Variants in SOD2 observed in about 807,000 individuals in gnomAD.
SOD2 encodes superoxide dismutase 2.
SOD2 carries 11 observed loss-of-function variants against 27.0 expected under a neutral mutation model. That is an observed-to-expected ratio of 0.41 (90% CI 0.26 to 0.67). The LOEUF (loss-of-function observed/expected upper bound fraction) is 0.67, where lower values mean the gene tolerates loss of function less well. Ranked by LOEUF, SOD2 falls within the 30% of genes least tolerant of loss-of-function variation. The pLI, the probability that SOD2 is intolerant of heterozygous loss-of-function variation, is 0.34. For missense variants in SOD2, 250 were observed against 274.5 expected, an observed-to-expected ratio of 0.91 and a Z score of 0.63; for synonymous variants, 105 against 103.0, an observed-to-expected ratio of 1.02 and a Z score of -0.12.
upstream of SOD2, chr6:159,727,403 G>A (rs1361523627): frequency 8.2e-7 from 1 of 1,224,326 alleles, no homozygotes; most frequent in East Asian, 6.4e-5. Context: ...GGAGGCGGGA[G>A]GCAGTGGCGC....
At chr6:159,762,016 C>T (rs1041064510) in exon 1 of SOD2, 2 of 1,570,610 alleles carry the variant, frequency 1.3e-6, no homozygotes. Context: ...CCGCGGCAGG[C>T]CTGTGGGCTG....
At chr6:159,756,041 T>C (rs1181111614) in intron 1 of SOD2, 1 of 157,464 alleles carries the variant, frequency 6.4e-6, no homozygotes, top group Non-Finnish European at 1.4e-5. Context: ...AGAGTAGATG[T>C]GGGTTTATGA....
intron 1 of SOD2, among the ~76,000 whole-genome samples, chr6:159,719,870 G>C (rs1177025403): frequency 6.7e-6 from 1 of 150,364 alleles, no homozygotes; most frequent in South Asian, 2.1e-4. Context: ...TTACAAATGT[G>C]TGCCACCATA....
intron 1 of SOD2, among the ~76,000 whole-genome samples, chr6:159,709,821 T>C (rs927448921): frequency 6.6e-6 from 1 of 152,070 alleles, no homozygotes; most frequent in African/African-American, 2.4e-5. Flanking sequence ...TTCACACGTA[T>C]GTTTATTGCG....
At chr6:159,702,696 GA>G (rs1323526632) in intron 1 of SOD2, among the ~76,000 whole-genome samples, 4 of 109,852 alleles carry the variant, frequency 3.6e-5, no homozygotes, top group Admixed American at 1.8e-4. Flanking sequence ...AAGAAAGAAA[GA>G]AAAAAAAGCC....
intron 1 of SOD2, chr6:159,755,515 G>T (rs1375939103): frequency 1.2e-6 from 2 of 1,614,186 alleles, no homozygotes; most frequent in Non-Finnish European, 8.5e-7. Context: ...CTCAAGAGGA[G>T]AAAGCAGTGA....
At chr6:159,750,634 C>T (rs1309487256) in intron 1 of SOD2, among the ~76,000 whole-genome samples, 1 of 151,882 alleles carries the variant, frequency 6.6e-6, no homozygotes, top group Non-Finnish European at 1.5e-5. Flanking sequence ...TTTTTTTTTA[C>T]TTGGTCTCTT....
At chr6:159,732,886 A>ATAGTGTGTGTGTGTGTGTGTGTGT (rs146623701) in intron 1 of SOD2, among the ~76,000 whole-genome samples, 1 of 146,488 alleles carries the variant, frequency 6.8e-6, no homozygotes, top group African/African-American at 2.6e-5. Context: ...ATATATATAT[A>ATAGTGTGTGTGTGTGTGTGTGTGT]GTGTGTGTGT....
chr6:159,699,048 G>T (rs763424919), intron 1 of SOD2, among the ~76,000 whole-genome samples: 1 of 151,840 alleles, frequency 6.6e-6, no homozygotes, highest in African/African-American at 2.4e-5. Flanking sequence ...GTGTAGCTCC[G>T]TGCCTTTAAA....
chr6:159,721,668 G>A (rs867131609), intron 1 of SOD2, among the ~76,000 whole-genome samples: 7 of 148,528 alleles, frequency 4.7e-5, no homozygotes, highest in East Asian at 2.0e-4. Context: ...GAGCCACTGC[G>A]GCTGACCTTT....
Position 159,673,607 on chromosome 6 carries a change from G to C in SOD2, c.*8886C>G, listed in dbSNP as rs1779713743. On this transcript the variant is annotated 3_prime_UTR_variant, in exon 5 of 5. Coordinates refer to ENST00000538183, the MANE Select transcript of SOD2 (RefSeq NM_000636.4). ...GGACACATTTAAAGCAGTGTGTAGA[G>C]GGAAATTTACAGCACTAAGTGCCCA... is the stretch of plus-strand genomic sequence containing the variant. The C allele has an allele frequency of 6.6e-6, 1 of 152,104 alleles. No individual in the cohort carries two copies. The highest frequency in any genetic ancestry group is 1.5e-5 in the Non-Finnish European group (1 of 68,026). 9.4% of individuals were successfully genotyped at this position (152,104 alleles called of 1,614,324 possible).
chr6:159,748,142 T>C (rs376294382), upstream of SOD2: 139 of 1,555,700 alleles, frequency 8.9e-5, no homozygotes, highest in African/African-American at 1.2e-3. The surrounding 1 kb of genome is among the most constrained non-coding windows in gnomAD (Gnocchi z 5.6). Context: ...CACCTTCTTA[T>C]GTATGTTTCC....
chr6:159,720,775 A>G (rs73599370), intron 1 of SOD2, among the ~76,000 whole-genome samples: 7,324 of 149,840 alleles, frequency 0.049, 299 homozygotes, highest in African/African-American at 0.1. Flanking sequence ...ACTATTACTG[A>G]TACTAAATTT....
Position 159,762,051 on chromosome 6 carries a change from C to A in SOD2, c.-1350G>T, listed in dbSNP as rs201343305. 7.8e-5 allele frequency: 126 copies of A among 1,609,342 alleles called. No individual in the cohort carries two copies. The East Asian group carries it at 1.6e-3, about 21-fold the overall frequency. ...GCGAGGAGGAGCTTTGCCTAGCTTGCAGGCAGCGCAGGGCAGACGGCGGCA... is the reference window on the plus strand; with the variant it reads ...GCGAGGAGGAGCTTTGCCTAGCTTGAAGGCAGCGCAGGGCAGACGGCGGCA... On this transcript the variant is annotated 5_prime_UTR_variant, in exon 1 of 8. Coordinates refer to the SOD2 transcript ENST00000546087.
Position 159,741,882 on chromosome 6 carries a change from T to C in SOD2, c.-116+3248A>G, listed in dbSNP as rs1779277367. 14 of 426,638 alleles carry C rather than the reference T, an allele frequency of 3.3e-5. No individual in the cohort carries two copies. The South Asian group carries it at 3.5e-4, about 11-fold the overall frequency. The allele number at this position is 426,638 out of a possible 1,614,324, so 26.4% of individuals were successfully genotyped here. On this transcript the variant is annotated intron_variant, in intron 1 of 3. Transcript: ENST00000537657. Reference sequence around the variant, plus strand: ...TATACAGGAAGCTGAGGCAGGGACATCGCTTGAGCCCAGACCCTGTTTGCG... The same window carrying C: ...TATACAGGAAGCTGAGGCAGGGACACCGCTTGAGCCCAGACCCTGTTTGCG...
chr6:159,692,577 C>A (rs1383963583), intron 2 of SOD2, 84 bp downstream of exon 2: 1 of 1,579,000 alleles, frequency 6.3e-7, no homozygotes. Context: ...TTCTCCTCCA[C>A]GGAGAGGCCC....
chr6:159,744,933 G>T (rs777446290), intron 1 of SOD2, among the ~76,000 whole-genome samples: 22 of 152,198 alleles, frequency 1.4e-4, no homozygotes, highest in Non-Finnish European at 3.2e-4. Context: ...TTACTCCTTG[G>T]CCTCCCAAAA....
upstream of SOD2, among the ~76,000 whole-genome samples, chr6:159,695,541 A>G (rs1777407949): frequency 6.6e-6 from 1 of 152,228 alleles, no homozygotes. Flanking sequence ...TTTGTCGCCC[A>G]GGCTGGAGTG....
rs750824041 is a variant in SOD2 at position 159,685,219 on chromosome 6, C to CTTTTTTTTTTTTTTTTTTT, written c.344-205_344-187dup. On this transcript the variant is annotated intron_variant, in intron 3 of 4. Transcript: ENST00000538183. ...ACGTTTTTGTTTTTTATAACTTCAACTTTTTTTTTTTTTTTTTTTTTTTTT... is the reference window on the plus strand; with the variant it reads ...ACGTTTTTGTTTTTTATAACTTCAACTTTTTTTTTTTTTTTTTTTTTTTTTTTTTTTTTTTTTTTTTTTT... Among the ~76,000 whole-genome samples, 51 of 73,918 alleles carry CTTTTTTTTTTTTTTTTTTT rather than the reference C, an allele frequency of 6.9e-4. 1 individual carries two copies. The highest frequency in any genetic ancestry group is 9.2e-4 in the African/African-American group (17 of 18,544). The allele number at this position is 73,918 out of a possible 152,430, so 48.5% of individuals were successfully genotyped here.
Sources: gnomAD v4.1 joint callset for allele counts (sites outside exome capture counted in the v4.1 genomes callset) on GRCh38, gnomAD v4.1.1 for gene constraint, Gnocchi (gnomAD v3.1) non-coding constraint, MANE v1.5 for transcripts, NCBI Gene and HGNC (gene_info 2026-07-23, HGNC 2026-07-21) for gene names.